Variants in GATAD2A observed in about 807,000 individuals in gnomAD.
The protein encoded by GATAD2A is transcriptional repressor p66-alpha.
Under a neutral mutation model 68.5 loss-of-function variants are expected in GATAD2A, and 12 were observed. The observed-to-expected ratio is 0.18, with a 90% confidence interval of 0.11 to 0.28. The LOEUF is 0.28. GATAD2A is among the 10% of genes least tolerant of loss of function. The probability of loss-of-function intolerance (pLI) is 1.00; values close to 1 mark genes in which losing one functional copy is unlikely to be tolerated. For synonymous variants in GATAD2A, 410 were observed against 375.3 expected (o/e 1.09, Z -1.07); for missense variants, 755 against 868.5 (o/e 0.87, Z 1.64).
chr19:19,395,797 C>A (rs2049196426), intron 1 of GATAD2A, among the ~76,000 whole-genome samples: 1 of 152,126 alleles, frequency 6.6e-6, no homozygotes, highest in Admixed American at 6.6e-5. Flanking sequence ...CGGTGGGAGT[C>A]CCTGTGCCAT....
intron 1 of GATAD2A, among the ~76,000 whole-genome samples, chr19:19,448,630 A>G (rs2056023044): frequency 6.6e-6 from 1 of 152,100 alleles, no homozygotes; most frequent in South Asian, 2.1e-4. Context: ...CTGGGATTAC[A>G]GGCGCCCACC....
At chr19:19,476,487 C>T (rs2058685093) in intron 2 of GATAD2A, among the ~76,000 whole-genome samples, 1 of 152,216 alleles carries the variant, frequency 6.6e-6, no homozygotes, top group East Asian at 1.9e-4. Context: ...CTGACCAGCA[C>T]TCCGCTGTGC....
intron 2 of GATAD2A, among the ~76,000 whole-genome samples, chr19:19,477,305 G>A (rs1431290450): frequency 6.6e-6 from 1 of 152,118 alleles, no homozygotes; most frequent in Non-Finnish European, 1.5e-5. Context: ...ATAGGACTGC[G>A]GATTTTTAGA....
intron 2 of GATAD2A, among the ~76,000 whole-genome samples, chr19:19,489,799 G>GT (rs1488171959): frequency 1.3e-5 from 2 of 152,372 alleles, no homozygotes; most frequent in East Asian, 1.9e-4. Context: ...AATTGTGTCT[G>GT]TAACTCTATA....
intron 1 of GATAD2A, chr19:19,458,347 T>C (rs2057127338): frequency 6.6e-6 from 1 of 152,206 alleles, no homozygotes; most frequent in Admixed American, 6.5e-5. Context: ...TCAGTCCCCA[T>C]GTCTTGGAGT....
intron 1 of GATAD2A, among the ~76,000 whole-genome samples, chr19:19,423,385 A>G (rs755261425): frequency 6.6e-6 from 1 of 152,226 alleles, no homozygotes; most frequent in Non-Finnish European, 1.5e-5. Context: ...TTCTTCATTT[A>G]TACTTTGCAG....
In GATAD2A at chr19:19,505,503, T is replaced by G; in HGVS notation, c.*29T>G. On this transcript the variant is annotated 3_prime_UTR_variant, in exon 12 of 12. Coordinates refer to ENST00000683918, the MANE Select transcript of GATAD2A (RefSeq NM_001384528.1). Reference sequence around the variant, plus strand: ...GAGCCAGGCCCCGTGGAAGACGGGCTCCCTCCTCCCCCACCTGGCCCCTGG... The same window carrying G: ...GAGCCAGGCCCCGTGGAAGACGGGCGCCCTCCTCCCCCACCTGGCCCCTGG... 6.5e-7 allele frequency: 1 copy of G among 1,543,728 alleles called. No individual in the cohort carries two copies. Among genetic ancestry groups the G allele is most frequent in the Non-Finnish European group, 8.7e-7 (1 of 1,144,550 alleles).
chr19:19,497,876 G>A (rs2060254713), intron 7 of GATAD2A, among the ~76,000 whole-genome samples: 1 of 152,234 alleles, frequency 6.6e-6, no homozygotes, highest in Non-Finnish European at 1.5e-5. Flanking sequence ...ACTGTGAGGT[G>A]GCACTGGAGC....
chr19:19,412,345 C>T (rs530939404), intron 1 of GATAD2A, among the ~76,000 whole-genome samples: 24 of 151,678 alleles, frequency 1.6e-4, no homozygotes, highest in African/African-American at 5.1e-4. Flanking sequence ...TTAGTAGAGA[C>T]GGGGTTTCAC....
Position 19,502,466 on chromosome 19 carries a change from A to C in GATAD2A, c.1714A>C (p.Thr572Pro), listed in dbSNP as rs779208514. ...VSRTGRHSER[T>P]VSAGKGSATS... Reference sequence around the variant, plus strand: ...CAGGACCGGCAGACATTCTGAGAGAACCGTGAGCGCCGGCAAGGGCAGCGC... The same window carrying C: ...CAGGACCGGCAGACATTCTGAGAGACCCGTGAGCGCCGGCAAGGGCAGCGC... The change falls in exon 11 of 12, where the codon ACC (threonine) becomes CCC (proline). Residue 572 changes from threonine (T) to proline (P), a missense_variant. Coordinates refer to ENST00000683918, the MANE Select transcript of GATAD2A (RefSeq NM_001384528.1). 6.2e-7 allele frequency: 1 copy of C among 1,613,606 alleles called. No individual in the cohort carries two copies. The highest frequency in any genetic ancestry group is 1.1e-5 in the South Asian group (1 of 91,080).
intron 1 of GATAD2A, among the ~76,000 whole-genome samples, chr19:19,411,956 A>G (rs762880006): frequency 5.3e-5 from 8 of 152,098 alleles, no homozygotes; most frequent in Non-Finnish European, 1.2e-4. Flanking sequence ...AGTCAGGTCA[A>G]GGCCGGGCGC....
chr19:19,488,802 A>G (rs1008624226), intron 2 of GATAD2A, among the ~76,000 whole-genome samples: 1 of 152,142 alleles, frequency 6.6e-6, no homozygotes, highest in African/African-American at 2.4e-5. Flanking sequence ...CTTGATCACT[A>G]CGTTTTACAT....
intron 1 of GATAD2A, among the ~76,000 whole-genome samples, chr19:19,390,225 C>G (rs1317839169): frequency 2.0e-5 from 3 of 152,064 alleles, no homozygotes; most frequent in East Asian, 1.9e-4. Flanking sequence ...ATTAAATATT[C>G]GAGGGAACAC....
At position 19,478,339 on chromosome 19, in the gene GATAD2A, G is replaced by A. The variant is rs180693925; in HGVS notation, c.269+12725G>A. ...ATACTGGCCAGGCGCAGTGGCTTAC[G>A]CCTGTAATCCCAGCACTTTGGGAGG... is the stretch of plus-strand genomic sequence containing the variant. On this transcript the variant is annotated intron_variant, in intron 2 of 11. Coordinates refer to ENST00000683918, the MANE Select transcript of GATAD2A (RefSeq NM_001384528.1). Among the ~76,000 whole-genome samples, 73 of 152,286 alleles carry A rather than the reference G, an allele frequency of 4.8e-4. 1 individual carries two copies. The highest frequency in any genetic ancestry group is 1.6e-3 in the African/African-American group (67 of 41,568).
intron 1 of GATAD2A, among the ~76,000 whole-genome samples, chr19:19,459,030 A>G (rs2057189673): frequency 6.6e-6 from 1 of 152,012 alleles, no homozygotes; most frequent in Non-Finnish European, 1.5e-5. Flanking sequence ...GGACTCATAC[A>G]CCTGGGCTCA....
At chr19:19,492,164 G>A (rs1238795829) in intron 2 of GATAD2A, 142 bp from the exon 3 acceptor site, 5 of 857,962 alleles carry the variant, frequency 5.8e-6, no homozygotes, top group Non-Finnish European at 7.1e-6. Context: ...TGGGAGCCAT[G>A]GGGCAGGGCA....
intron 1 of GATAD2A, among the ~76,000 whole-genome samples, chr19:19,437,566 G>T (rs1359311016): frequency 6.6e-6 from 1 of 152,142 alleles, no homozygotes; most frequent in Admixed American, 6.5e-5. Context: ...AAAGGAAACA[G>T]CATACTCATT....
chr19:19,447,648 G>A (rs2055887029), intron 1 of GATAD2A, among the ~76,000 whole-genome samples: 1 of 152,370 alleles, frequency 6.6e-6, no homozygotes, highest in South Asian at 2.1e-4. Flanking sequence ...TGCGTTGAGA[G>A]CAGATAGTTT....
chr19:19,499,239 C>G (rs558719327), intron 8 of GATAD2A, among the ~76,000 whole-genome samples: 2 of 152,202 alleles, frequency 1.3e-5, no homozygotes, highest in Non-Finnish European at 2.9e-5. Flanking sequence ...ACGGGGTGAT[C>G]ACAGCATTGG....
Sources: allele counts gnomAD v4.1 joint callset (sites outside exome capture counted in the v4.1 genomes callset), GRCh38; gene constraint gnomAD v4.1.1; transcripts MANE v1.5; gene names NCBI Gene and HGNC (gene_info 2026-07-23, HGNC 2026-07-21).